Variants in C4orf51 observed in about 807,000 individuals in gnomAD.
The protein encoded by C4orf51 is uncharacterized protein C4orf51.
In C4orf51, 25 loss-of-function variants were observed where a neutral mutation model predicts 25.2. The ratio of observed to expected loss-of-function variants is 0.99; its 90% confidence interval spans 0.72 to 1.39. The LOEUF (loss-of-function observed/expected upper bound fraction) is 1.39, where lower values mean the gene tolerates loss of function less well. C4orf51 is among the 40% of genes most tolerant of loss of function. C4orf51 has a pLI of 0.00. For missense variants in C4orf51, 252 were observed against 239.6 expected, an observed-to-expected ratio of 1.05 and a Z score of -0.34; for synonymous variants, 100 against 84.5, an observed-to-expected ratio of 1.18 and a Z score of -1.01.
At chr4:145,785,756 A>ATG in the C4orf51 span, among the ~76,000 whole-genome samples, 1 of 152,192 alleles carries the variant, frequency 6.6e-6, no homozygotes, top group African/African-American at 2.4e-5. Flanking sequence ...GGTGTCATTC[A>ATG]AGCTCTTCCA....
Position 145,729,957 on chromosome 4 carries a change from C to A in C4orf51, c.493C>A (p.Leu165Ile). ...CTACAGTCGACGAGGGAAAGGTGTC[C>A]TAAAGCATGTAAGAATCTTTTTACT... ...INYSRRGKGV[L>I]KHLHGRCDSE... Residue 165 changes from leucine to isoleucine, a missense_variant, in exon 5 of 6, where the codon CTA becomes ATA. By Grantham distance (5) the Leu-to-Ile change is conservative. Transcript: ENST00000438731. 1 of 1,613,780 alleles carries A rather than the reference C, an allele frequency of 6.2e-7. No homozygotes were observed. Among genetic ancestry groups the A allele is most frequent in the Non-Finnish European group, 8.5e-7 (1 of 1,179,730 alleles).
chr4:145,776,025 A>C, downstream of C4orf51: 1 of 1,581,726 alleles, frequency 6.3e-7, no homozygotes, highest in South Asian at 1.1e-5. Flanking sequence ...AACACCTTGC[A>C]AGAATCAGTT....
chr4:145,688,640 G>A (rs1414701046), intron 1 of C4orf51, among the ~76,000 whole-genome samples: 4 of 152,168 alleles, frequency 2.6e-5, no homozygotes, highest in Admixed American at 6.5e-5. Context: ...GGCCTCTCCA[G>A]CCATGTGGAA....
chr4:145,725,469 C>T (rs1732002928), intron 2 of C4orf51, among the ~76,000 whole-genome samples: 1 of 152,098 alleles, frequency 6.6e-6, no homozygotes, highest in African/African-American at 2.4e-5. Flanking sequence ...CACATGTCTA[C>T]ACAGACTTGC....
chr4:145,700,199 A>C (rs1215823848), intron 2 of C4orf51, among the ~76,000 whole-genome samples: 6 of 123,380 alleles, frequency 4.9e-5, no homozygotes, highest in Non-Finnish European at 8.6e-5. Flanking sequence ...TCTGCACCCC[A>C]ACCTCTTATC....
downstream of C4orf51, among the ~76,000 whole-genome samples, chr4:145,772,778 A>T (rs1295690641): frequency 4.6e-5 from 7 of 152,170 alleles, no homozygotes. Context: ...AATGCATTTC[A>T]CTCTTGGGTG....
At chr4:145,742,260 G>T (rs1733140511) in intron 1 of C4orf51, among the ~76,000 whole-genome samples, 1 of 152,142 alleles carries the variant, frequency 6.6e-6, no homozygotes, top group Non-Finnish European at 1.5e-5. Flanking sequence ...TAGCAATGTT[G>T]TGCTTGTCTC....
intron 2 of C4orf51, among the ~76,000 whole-genome samples, chr4:145,724,900 A>AAAAT (rs1731963018): frequency 7.3e-5 from 11 of 150,206 alleles, no homozygotes; most frequent in Admixed American, 6.0e-4. Context: ...AAAAAAAAAA[A>AAAAT]AAAGAAAGAA....
intron 5 of C4orf51, among the ~76,000 whole-genome samples, chr4:145,730,372 C>T (rs946345783): frequency 2.6e-5 from 4 of 152,132 alleles, no homozygotes; most frequent in African/African-American, 9.7e-5. Context: ...CTCATGTGCC[C>T]GTCCTGCCAC....
chr4:145,739,415 A>T (rs1047585582), intron 1 of C4orf51, among the ~76,000 whole-genome samples: 5 of 152,240 alleles, frequency 3.3e-5, no homozygotes, highest in African/African-American at 1.2e-4. Context: ...ATAGAAGTTA[A>T]TGTGTGGCAC....
chr4:145,700,682 T>C (rs1255275523), intron 2 of C4orf51, among the ~76,000 whole-genome samples: 1 of 152,138 alleles, frequency 6.6e-6, no homozygotes, highest in Non-Finnish European at 1.5e-5. Context: ...CCAGTGCAAC[T>C]CATCCCAAAT....
chr4:145,686,361 A>C (rs1729151295), intron 1 of C4orf51, among the ~76,000 whole-genome samples: 1 of 152,202 alleles, frequency 6.6e-6, no homozygotes, highest in South Asian at 2.1e-4. Context: ...GAATGTTCTT[A>C]CTTTCACTGA....
At chr4:145,759,585 C>T (rs187990327) in intron 1 of C4orf51, 1 of 152,218 alleles carries the variant, frequency 6.6e-6, no homozygotes, top group African/African-American at 2.4e-5. Flanking sequence ...TAAACAGCAC[C>T]TTTTTGTTGC....
At chr4:145,719,740 T>C (rs1731623576) in intron 2 of C4orf51, among the ~76,000 whole-genome samples, 1 of 152,194 alleles carries the variant, frequency 6.6e-6, no homozygotes, top group African/African-American at 2.4e-5. Flanking sequence ...AACATGATTT[T>C]AGTTATATTC....
Position 145,680,247 on chromosome 4 carries a change from T to G in C4orf51, c.44T>G (p.Phe15Cys). ...TTGACTCCACAAATTCTTCTGCCCT[T>G]TAGCCCTCTTACTTCTCAAGAGTTT... ...FYLTPQILLP[F>C]SPLTSQEFDL... The change falls in exon 1 of 6, where the codon TTT (phenylalanine) becomes TGT (cysteine). Residue 15 changes from phenylalanine to cysteine, a missense_variant. Coordinates refer to ENST00000438731, the MANE Select transcript of C4orf51 (RefSeq NM_001080531.3). 6.2e-7 allele frequency: 1 copy of G among 1,614,000 alleles called. No individual in the cohort carries two copies. Among genetic ancestry groups the G allele is most frequent in the Non-Finnish European group, 8.5e-7 (1 of 1,179,858 alleles).
chr4:145,773,293 T>A (rs780178461), downstream of C4orf51, among the ~76,000 whole-genome samples: 12 of 152,192 alleles, frequency 7.9e-5, no homozygotes, highest in Non-Finnish European at 1.8e-4. Context: ...CCTTCTCACT[T>A]GGCATAACGG....
the C4orf51 span, among the ~76,000 whole-genome samples, chr4:145,778,586 T>C: frequency 1.3e-5 from 2 of 152,170 alleles, no homozygotes; most frequent in African/African-American, 4.8e-5. Flanking sequence ...CACTCCAGTC[T>C]GGGTGACAGA....
chr4:145,730,291 A>G (rs576492258), intron 5 of C4orf51, among the ~76,000 whole-genome samples: 2 of 152,262 alleles, frequency 1.3e-5, no homozygotes, highest in East Asian at 1.9e-4. Context: ...CTGTTGTGAA[A>G]AAGAGAGTTC....
downstream of C4orf51, chr4:145,732,853 C>T (rs928490612): frequency 4.3e-5 from 9 of 211,760 alleles, no homozygotes; most frequent in Non-Finnish European, 6.5e-5. Context: ...CGGCCCCGAC[C>T]GTCGGGGGCT....
Sources: allele counts gnomAD v4.1 joint callset (sites outside exome capture counted in the v4.1 genomes callset), GRCh38; gene constraint gnomAD v4.1.1; transcripts MANE v1.5; gene names NCBI Gene and HGNC (gene_info 2026-07-23, HGNC 2026-07-21).